SENP2: variants seen among roughly 807,000 people sequenced by gnomAD.
The protein encoded by SENP2 is SUMO specific peptidase 2.
SENP2 carries 16 observed loss-of-function variants against 86.3 expected under a neutral mutation model. The observed-to-expected ratio is 0.19, with a 90% confidence interval of 0.13 to 0.28. The LOEUF (loss-of-function observed/expected upper bound fraction) is 0.28, where lower values mean the gene tolerates loss of function less well. SENP2 is among the 10% of genes least tolerant of loss of function. The pLI is 1.00. For synonymous variants in SENP2, 222 were observed against 238.7 expected, an observed-to-expected ratio of 0.93 and a Z score of 0.64; for missense variants, 552 against 703.0, an observed-to-expected ratio of 0.79 and a Z score of 2.43.
intron 2 of SENP2, among the ~76,000 whole-genome samples, chr3:185,590,867 C>CAAAA (rs1196821162): frequency 6.7e-3 from 83 of 12,392 alleles, no homozygotes; most frequent in African/African-American, 0.012. Flanking sequence ...CACTCCATCT[C>CAAAA]AAAAAAAAAA....
rs367852027 is a variant in SENP2, at chr3:185,598,973, T to C, written c.307T>C (p.Ser103Pro). The change falls in exon 4 of 17, where the codon TCA (serine) becomes CCA (proline). Residue 103 changes from serine (S) to proline (P), a missense_variant. Physicochemically the swap from Ser to Pro is moderately conservative, Grantham distance 74. Around this residue, in one of 2 missense-constraint regions of SENP2, gnomAD observed 383 missense variants for 427.3 expected, o/e 0.90. Transcript: ENST00000296257. ...TGATTTTAAGGTATTTTCGAACTCT[T>C]CATCTTGTGAACTGACAGGTTCTGG... Reference protein sequence around the residue: ...APSGEVFSNSSSCELTGSGSW... With the variant: ...APSGEVFSNSPSCELTGSGSW... The C allele has an allele frequency of 1.9e-6, 3 of 1,612,940 alleles. No homozygotes were observed. The highest frequency in any genetic ancestry group is 1.1e-5 in the South Asian group (1 of 90,806).
chr3:185,627,637 T>C (rs1290760311), intron 16 of SENP2, among the ~76,000 whole-genome samples: 1 of 152,162 alleles, frequency 6.6e-6, no homozygotes, highest in Non-Finnish European at 1.5e-5. Context: ...GGTCTCGAAC[T>C]CCTGACCTCG....
Position 185,586,568 on chromosome 3 carries a change from G to C in SENP2, c.101+54G>C. The C allele has an allele frequency of 6.5e-7, 1 of 1,528,398 alleles. No homozygotes were observed. The highest frequency in any genetic ancestry group is 1.7e-5 in the Admixed American group (1 of 59,470). The allele number at this position is 1,528,398 out of a possible 1,614,324, so 94.7% of individuals were successfully genotyped here. On this transcript the variant is annotated intron_variant, in intron 1 of 16. Transcript: ENST00000296257. The surrounding 1 kb of genome is among the most constrained non-coding windows in gnomAD (Gnocchi z 4.3). ...CTGGCCTTACCCCCTCCCCCACAGC[G>C]GGCTCCTCGGCCGTGATAGCTTTGA...
At chr3:185,610,944 C>T (rs767306990) in intron 7 of SENP2, among the ~76,000 whole-genome samples, 3 of 151,684 alleles carry the variant, frequency 2.0e-5, no homozygotes, top group Non-Finnish European at 2.9e-5. Context: ...AGCTACAGAT[C>T]GAGACTCCGT....
At chr3:185,608,605 T>C (rs1722591604) in intron 6 of SENP2, among the ~76,000 whole-genome samples, 1 of 152,172 alleles carries the variant, frequency 6.6e-6, no homozygotes, top group Non-Finnish European at 1.5e-5. Flanking sequence ...TTTAACCTGT[T>C]GGTGTTATTT....
At position 185,623,826 on chromosome 3, in the gene SENP2, C is replaced by CAAAAAAAAAAAAAAAA. The variant is rs63707460; in HGVS notation, c.1527-163_1527-148dup. 1.3e-3 allele frequency among the ~76,000 whole-genome samples: 64 copies of CAAAAAAAAAAAAAAAA among 47,770 alleles called. 2 individuals are homozygous for CAAAAAAAAAAAAAAAA. The highest frequency in any genetic ancestry group is 9.0e-3 in the East Asian group (10 of 1,108). The allele number at this position is 47,770 out of a possible 152,430, so 31.3% of individuals were successfully genotyped here. A position where few individuals can be genotyped will look rare whatever the true frequency, so the allele number is the denominator to read the frequency against. On this transcript the variant is annotated intron_variant, in intron 14 of 16. Coordinates refer to ENST00000296257, the MANE Select transcript of SENP2 (RefSeq NM_021627.3). Reference sequence around the variant, plus strand: ...TGGGCGACAGAGCGAGACTCTGTCTCAAAAAAAAAAAAAAAAAAAAAAAAT... The same window carrying CAAAAAAAAAAAAAAAA: ...TGGGCGACAGAGCGAGACTCTGTCTCAAAAAAAAAAAAAAAAAAAAAAAAAAAAAAAAAAAAAAAAT...
Position 185,606,483 on chromosome 3 carries a change from T to C in SENP2, c.603T>C (p.His201=), listed in dbSNP as rs984805071. The C allele has an allele frequency of 6.2e-7, 1 of 1,602,602 alleles. No homozygotes were observed. Among genetic ancestry groups the C allele is most frequent in the African/African-American group, 1.3e-5 (1 of 74,088 alleles). ...EESGKGLRRP[H]CTVEEGVQKE... Reference sequence around the variant, plus strand: ...GTGGCAAGGGTCTGAGGCGTCCCCATTGTACTGTGGAGGAGGTAAGCCTTT... The same window carrying C: ...GTGGCAAGGGTCTGAGGCGTCCCCACTGTACTGTGGAGGAGGTAAGCCTTT... The change falls in exon 6 of 17, where the codon CAT becomes CAC. Residue 201 remains histidine, a synonymous_variant. Coordinates refer to ENST00000296257, the MANE Select transcript of SENP2 (RefSeq NM_021627.3).
intron 11 of SENP2, 43 bp from the exon 12 acceptor site, chr3:185,617,437 T>C (rs1560198952): frequency 6.6e-7 from 1 of 1,526,648 alleles, no homozygotes; most frequent in Non-Finnish European, 8.8e-7. Flanking sequence ...TGATAATGAA[T>C]GGTTCTATAT....
chr3:185,623,277 AT>A (rs1711977267), intron 14 of SENP2, among the ~76,000 whole-genome samples: 1 of 151,860 alleles, frequency 6.6e-6, no homozygotes, highest in African/African-American at 2.4e-5. Context: ...AGTAGCTGGT[AT>A]TAAAGGCTTG....
At chr3:185,603,683 A>G (rs1297583671) in intron 5 of SENP2, among the ~76,000 whole-genome samples, 1 of 152,216 alleles carries the variant, frequency 6.6e-6, no homozygotes, top group Non-Finnish European at 1.5e-5. Flanking sequence ...TTGTGGTTAT[A>G]TAAGAGATGC....
chr3:185,624,241 C>T (rs977975700), intron 15 of SENP2, among the ~76,000 whole-genome samples, 159 bp downstream of exon 15: 1 of 151,468 alleles, frequency 6.6e-6, no homozygotes, highest in Non-Finnish European at 1.5e-5. Flanking sequence ...TGGGATCTTG[C>T]TTTGTTGCCC....
chr3:185,617,136 TACA>T (rs1711648787), intron 11 of SENP2, among the ~76,000 whole-genome samples: 2 of 152,144 alleles, frequency 1.3e-5, no homozygotes, highest in Admixed American at 1.3e-4. Context: ...AAGTATTACT[TACA>T]ACAATTAAGT....
At chr3:185,605,336 A>C (rs894576471) in intron 5 of SENP2, among the ~76,000 whole-genome samples, 5 of 151,464 alleles carry the variant, frequency 3.3e-5, no homozygotes, top group African/African-American at 1.2e-4. Context: ...GTGCCATTGC[A>C]CTCCTGCCTG....
chr3:185,627,691 G>A (rs751907006), intron 16 of SENP2, among the ~76,000 whole-genome samples: 3 of 152,064 alleles, frequency 2.0e-5, no homozygotes, highest in Non-Finnish European at 4.4e-5. Context: ...GATTACAGGC[G>A]TGAGCCACCG....
At chr3:185,597,498 G>C (rs914260018) in intron 2 of SENP2, among the ~76,000 whole-genome samples, 1 of 150,808 alleles carries the variant, frequency 6.6e-6, no homozygotes, top group African/African-American at 2.4e-5. Context: ...GACTATAGTC[G>C]TGCACCACCA....
intron 4 of SENP2, 24 bp from the exon 5 acceptor site, chr3:185,600,741 A>G (rs1722317840): frequency 1.2e-5 from 18 of 1,473,000 alleles, no homozygotes; most frequent in Non-Finnish European, 1.7e-5. Context: ...TCATTTTACA[A>G]TTACAAATGC....
Position 185,631,431 on chromosome 3 carries a change from CCCCCT to C in SENP2, c.*1591_*1595del, listed in dbSNP as rs1712452707. The C allele has an allele frequency of 3.6e-5, 1 of 27,994 alleles. No individual in the cohort carries two copies. Among genetic ancestry groups the C allele is most frequent in the Non-Finnish European group, 6.5e-5 (1 of 15,326 alleles). The allele number at this position is 27,994 out of a possible 1,614,324, so 1.7% of individuals were successfully genotyped here. ...GCAGGTTGTACCACACCTCTCCCCC[CCCCCT>C]CCCACTCCCCCTCCCTCCCTCTCCC... On this transcript the variant is annotated 3_prime_UTR_variant, in exon 17 of 17. Transcript: ENST00000296257.
intron 15 of SENP2, 36 bp from the exon 16 acceptor site, chr3:185,626,262 A>G: frequency 1.5e-6 from 2 of 1,342,012 alleles, no homozygotes; most frequent in Non-Finnish European, 2.1e-6. Flanking sequence ...ATGATGTTTT[A>G]CCCTTTCCTC....
intron 8 of SENP2, 71 bp downstream of exon 8, chr3:185,611,816 G>A (rs1722710670): frequency 9.3e-7 from 1 of 1,077,670 alleles, no homozygotes; most frequent in African/African-American, 1.6e-5. Flanking sequence ...ATATGAGGTA[G>A]AAAATTGACA....
Sources: gnomAD v4.1 joint callset for allele counts (sites outside exome capture counted in the v4.1 genomes callset) on GRCh38, gnomAD v4.1.1 for gene constraint, gnomAD v4.1.1 regional missense constraint, Gnocchi (gnomAD v3.1) non-coding constraint, MANE v1.5 for transcripts, NCBI Gene and HGNC (gene_info 2026-07-23, HGNC 2026-07-21) for gene names.